SERINC5: variants seen among roughly 807,000 people sequenced by gnomAD.
SERINC5 encodes chromosome 5 open reading frame 12.
In SERINC5, 41 loss-of-function variants were observed where a neutral mutation model predicts 63.1. The observed-to-expected ratio is 0.65, with a 90% CI of 0.51 to 0.84. The LOEUF (loss-of-function observed/expected upper bound fraction) is 0.84. Ranked by LOEUF, SERINC5 falls within the 40% of genes least tolerant of loss-of-function variation. The pLI is 0.00. For synonymous variants in SERINC5, 222 were observed against 215.2 expected (o/e 1.03, Z -0.28); for missense variants, 523 against 573.0 (o/e 0.91, Z 0.89).
At chr5:80,180,857 T>C (rs1748373528) in intron 2 of SERINC5, among the ~76,000 whole-genome samples, 1 of 152,200 alleles carries the variant, frequency 6.6e-6, no homozygotes, top group Non-Finnish European at 1.5e-5. Context: ...GCATTGTCAG[T>C]GTGAAATGTA....
Position 80,214,171 on chromosome 5 carries a change from C to T in SERINC5, c.28-11118G>A, listed in dbSNP as rs547985217. 3.3e-5 allele frequency among the ~76,000 whole-genome samples: 5 copies of T among 152,148 alleles called. No individual in the cohort carries two copies. The East Asian group carries it at 9.6e-4, about 29-fold the overall frequency. On this transcript the variant is annotated intron_variant, in intron 1 of 11. Coordinates refer to ENST00000507668, the MANE Select transcript of SERINC5 (RefSeq NM_001174072.3). ...TGGAAAGACGTCCACACTGTATAAACTGAAAATAGTTAATATTAATAGTGT... is the reference window on the plus strand; with the variant it reads ...TGGAAAGACGTCCACACTGTATAAATTGAAAATAGTTAATATTAATAGTGT...
intron 1 of SERINC5, among the ~76,000 whole-genome samples, chr5:80,209,388 T>G (rs1750328905): frequency 6.6e-6 from 1 of 152,156 alleles, no homozygotes; most frequent in South Asian, 2.1e-4. Flanking sequence ...ACGGTGGCCA[T>G]GTACAAGCCA....
At chr5:80,237,343 CTCTT>C (rs1751741126) in intron 1 of SERINC5, among the ~76,000 whole-genome samples, 1 of 116,654 alleles carries the variant, frequency 8.6e-6, no homozygotes, top group East Asian at 2.1e-4. Context: ...GGCTTTCTCT[CTCTT>C]TTTTTTTCAT....
At chr5:80,169,199 A>C in intron 6 of SERINC5, 136 bp downstream of exon 6, 1 of 681,956 alleles carries the variant, frequency 1.5e-6, no homozygotes, top group Middle Eastern at 3.1e-4. Context: ...CACCTTGCCT[A>C]CTGCTGACAC....
In SERINC5 at chr5:80,256,040, C is replaced by T. The variant is rs1752675806; in HGVS notation, c.-118G>A. 18 of 1,112,706 alleles carry T rather than the reference C, an allele frequency of 1.6e-5. No individual in the cohort carries two copies. The highest frequency in any genetic ancestry group is 2.2e-5 in the Non-Finnish European group (18 of 831,010). The allele number at this position is 1,112,706 out of a possible 1,614,324, so 68.9% of individuals were successfully genotyped here. ...CAGCTCACACTTGAACGAAGATCAG[C>T]CTCGGCGAAGCGCCTAGGCGCCGAG... On this transcript the variant is annotated 5_prime_UTR_variant, in exon 1 of 12. Coordinates refer to ENST00000507668, the MANE Select transcript of SERINC5 (RefSeq NM_001174072.3).
intron 2 of SERINC5, among the ~76,000 whole-genome samples, chr5:80,184,795 GA>G (rs1393224281): frequency 6.6e-6 from 1 of 152,184 alleles, no homozygotes; most frequent in Non-Finnish European, 1.5e-5. Context: ...AGGGTGAAAG[GA>G]ATGTGCCTGC....
chr5:80,217,528 C>G (rs1750722503), intron 1 of SERINC5, among the ~76,000 whole-genome samples: 1 of 152,230 alleles, frequency 6.6e-6, no homozygotes, highest in Admixed American at 6.5e-5. Context: ...CCTTAGAACT[C>G]AAGTGCACCA....
At chr5:80,245,257 T>C (rs953860359) in intron 1 of SERINC5, among the ~76,000 whole-genome samples, 5 of 152,142 alleles carry the variant, frequency 3.3e-5, no homozygotes, top group African/African-American at 1.2e-4. Flanking sequence ...GGAAAAGTGT[T>C]CAGGACATAA....
chr5:80,151,000 T>C lies in SERINC5; in HGVS notation c.987-52A>G, dbSNP rs1389732447. On this transcript the variant is annotated intron_variant, in intron 8 of 11. Coordinates refer to ENST00000507668, the MANE Select transcript of SERINC5 (RefSeq NM_001174072.3). ...GGGCATATTAACACATTACAACACA[T>C]GGAATGAAGGGGAAAGCCGGCTGGC... 14 of 1,363,808 alleles carry C rather than the reference T, an allele frequency of 1.0e-5. No individual in the cohort carries two copies. The Admixed American group carries it at 1.2e-4, about 11-fold the overall frequency. 84.5% of individuals were successfully genotyped at this position (1,363,808 alleles called of 1,614,324 possible).
intron 11 of SERINC5, among the ~76,000 whole-genome samples, chr5:80,122,041 C>A (rs1744563978): frequency 6.6e-6 from 1 of 151,964 alleles, no homozygotes. Context: ...CTTTCTCCAC[C>A]TCCAAATAAC....
At chr5:80,228,509 G>C (rs556172791) in intron 1 of SERINC5, among the ~76,000 whole-genome samples, 2 of 151,866 alleles carry the variant, frequency 1.3e-5, no homozygotes, top group African/African-American at 4.8e-5. Context: ...ACACTGGAGC[G>C]CAGTGGTCCA....
intron 5 of SERINC5, among the ~76,000 whole-genome samples, chr5:80,172,086 C>G (rs1342266076): frequency 6.6e-6 from 1 of 152,054 alleles, no homozygotes; most frequent in Non-Finnish European, 1.5e-5. Flanking sequence ...AATCCCAGCA[C>G]TTTGGGAGGC....
At chr5:80,248,472 G>C (rs1215702945) in intron 1 of SERINC5, among the ~76,000 whole-genome samples, 1 of 152,070 alleles carries the variant, frequency 6.6e-6, no homozygotes, top group Non-Finnish European at 1.5e-5. Context: ...TTCAGAACAG[G>C]GCATAATTTA....
At chr5:80,125,995 T>C (rs556281438) in intron 11 of SERINC5, among the ~76,000 whole-genome samples, 2 of 152,190 alleles carry the variant, frequency 1.3e-5, no homozygotes, top group African/African-American at 2.4e-5. Flanking sequence ...AGAGACTCTA[T>C]CAGAAAGATG....
chr5:80,153,193 C>T (rs1407074549), intron 8 of SERINC5, among the ~76,000 whole-genome samples: 1 of 151,924 alleles, frequency 6.6e-6, no homozygotes, highest in African/African-American at 2.4e-5. Flanking sequence ...CGTGGTGGCT[C>T]ACATCTGTAA....
intron 1 of SERINC5, among the ~76,000 whole-genome samples, chr5:80,236,842 C>A (rs1328650965): frequency 6.9e-6 from 1 of 145,516 alleles, no homozygotes; most frequent in African/African-American, 2.5e-5. Flanking sequence ...TTTCTTTTTT[C>A]TTTTCTTTTC....
chr5:80,228,837 T>G (rs1479380808), intron 1 of SERINC5, among the ~76,000 whole-genome samples: 2 of 152,104 alleles, frequency 1.3e-5, no homozygotes, highest in East Asian at 1.9e-4. Context: ...TTGATAGCAT[T>G]AGAATACCTC....
At chr5:80,118,612 A>G (rs527590006) in intron 11 of SERINC5, among the ~76,000 whole-genome samples, 1 of 151,800 alleles carries the variant, frequency 6.6e-6, no homozygotes, top group Non-Finnish European at 1.5e-5. Flanking sequence ...CAGTGGCACA[A>G]TTTTGGCTAG....
chr5:80,248,843 A>G (rs1290986160), intron 1 of SERINC5, among the ~76,000 whole-genome samples: 1 of 152,248 alleles, frequency 6.6e-6, no homozygotes, highest in African/African-American at 2.4e-5. Flanking sequence ...AGAAAAGGTC[A>G]AAGTTAAAGA....
Sources: allele counts gnomAD v4.1 joint callset (sites outside exome capture counted in the v4.1 genomes callset), GRCh38; gene constraint gnomAD v4.1.1; transcripts MANE v1.5; gene names NCBI Gene and HGNC (gene_info 2026-07-23, HGNC 2026-07-21).